Variants in ATG4B observed in about 807,000 individuals in gnomAD.
ATG4B encodes cysteine protease ATG4B.
A neutral mutation model predicts 56.6 loss-of-function variants in ATG4B; 29 were observed. The ratio of observed to expected loss-of-function variants is 0.51; its 90% CI spans 0.38 to 0.70. ATG4B has a LOEUF of 0.70. Ranked by LOEUF, ATG4B falls within the 30% of genes least tolerant of loss-of-function variation. The pLI, the probability that ATG4B is intolerant of heterozygous loss-of-function variation, is 0.00. For synonymous variants in ATG4B, 224 were observed against 206.1 expected, an observed-to-expected ratio of 1.09 and a Z score of -0.74; for missense variants, 461 against 515.5, an observed-to-expected ratio of 0.89 and a Z score of 1.02.
chr2:241,655,703 G>A (rs576750207), intron 6 of ATG4B, among the ~76,000 whole-genome samples: 6 of 152,240 alleles, frequency 3.9e-5, no homozygotes, highest in South Asian at 2.1e-4. Flanking sequence ...GCTGCCCTCC[G>A]CGGGCCTTGC....
chr2:241,662,880 A>AGC (rs2068632605), intron 7 of ATG4B, among the ~76,000 whole-genome samples: 1 of 151,596 alleles, frequency 6.6e-6, no homozygotes, highest in African/African-American at 2.4e-5. Context: ...CTATAATCCC[A>AGC]ACTTCAAAAT....
intron 1 of ATG4B, 45 bp from the exon 2 acceptor site, chr2:241,650,965 T>G: frequency 2.2e-5 from 34 of 1,511,744 alleles, no homozygotes; most frequent in Non-Finnish European, 2.7e-5. Flanking sequence ...TACTAGTTTA[T>G]GAAATTATAA....
At chr2:241,654,502 C>G (rs1457375940) in intron 4 of ATG4B, 44 bp from the exon 5 acceptor site, 2 of 1,353,980 alleles carry the variant, frequency 1.5e-6, no homozygotes, top group Non-Finnish European at 2.0e-6. Context: ...AAACTTGTTT[C>G]TCATATTTAT....
At chr2:241,665,996 C>T (rs899404564) in intron 7 of ATG4B, among the ~76,000 whole-genome samples, 5 of 152,194 alleles carry the variant, frequency 3.3e-5, no homozygotes, top group African/African-American at 1.2e-4. Flanking sequence ...TGTCTTTTGC[C>T]GTGTTCTGGC....
intron 12 of ATG4B, chr2:241,671,651 G>A: frequency 6.9e-7 from 1 of 1,445,232 alleles, no homozygotes; most frequent in Non-Finnish European, 9.2e-7. Context: ...CTGTGGAGCT[G>A]GGCGTGCTAC....
chr2:241,668,518 C>T lies in ATG4B; in HGVS notation c.812-22C>T, dbSNP rs2068851017. On this transcript the variant is annotated intron_variant, in intron 9 of 12. Transcript: ENST00000404914. This position sits in a 1 kb window ranked among gnomAD's most constrained non-coding sequence, Gnocchi z 4.2. The stretch of plus-strand genomic sequence containing the variant: ...CTCTGCCGGCTCGGCCACCCACCTG[C>T]CCACCTGCCTCATCCTCCCAGGTGA... 1.9e-6 allele frequency: 3 copies of T among 1,603,136 alleles called. No homozygotes were observed. The highest frequency in any genetic ancestry group is 1.7e-5 in the Admixed American group (1 of 59,364).
chr2:241,661,351 A>AGTGTG (rs1164465535), intron 7 of ATG4B, among the ~76,000 whole-genome samples: 33 of 152,102 alleles, frequency 2.2e-4, no homozygotes, highest in Admixed American at 2.1e-3. Context: ...TGGGTTCCTG[A>AGTGTG]GTGTGGCGTG....
intron 7 of ATG4B, among the ~76,000 whole-genome samples, chr2:241,664,312 T>C (rs1328000301): frequency 6.6e-6 from 1 of 152,072 alleles, no homozygotes; most frequent in African/African-American, 2.4e-5. Context: ...GCAGATTGCT[T>C]GAGTCCAGGA....
intron 1 of ATG4B, among the ~76,000 whole-genome samples, chr2:241,649,080 C>T (rs1490521619): frequency 6.6e-6 from 1 of 152,210 alleles, no homozygotes; most frequent in East Asian, 1.9e-4. Flanking sequence ...AGGGAACATT[C>T]ACACTTAGAA....
intron 4 of ATG4B, 101 bp downstream of exon 4, chr2:241,653,711 G>GT (rs1304926479): frequency 2.4e-5 from 24 of 1,009,084 alleles, no homozygotes; most frequent in Non-Finnish European, 3.5e-5. Context: ...AGGTAAAACA[G>GT]TAAGTAGAAC....
intron 7 of ATG4B, 123 bp from the exon 8 acceptor site, chr2:241,666,522 T>TA (rs2068778885): frequency 9.7e-7 from 1 of 1,029,228 alleles, no homozygotes; most frequent in South Asian, 1.5e-5. Flanking sequence ...AGTTTGAATT[T>TA]CACTGTAAGC....
At chr2:241,653,186 G>A (rs999301447) in intron 3 of ATG4B, 1 of 672,690 alleles carries the variant, frequency 1.5e-6, no homozygotes, top group South Asian at 1.5e-5. Context: ...ATTGGAAAAT[G>A]CGTTGTTTTG....
At chr2:241,646,985 T>G (rs1443050516) in intron 1 of ATG4B, among the ~76,000 whole-genome samples, 1 of 152,060 alleles carries the variant, frequency 6.6e-6, no homozygotes, top group East Asian at 1.9e-4. Flanking sequence ...GATTTCACCA[T>G]GTTGACCAGG....
At chr2:241,646,471 A>G (rs2068063092) in intron 1 of ATG4B, among the ~76,000 whole-genome samples, 3 of 152,238 alleles carry the variant, frequency 2.0e-5, no homozygotes, top group South Asian at 2.1e-4. Context: ...ATGGTCTCCA[A>G]ACTACCATGG....
chr2:241,642,871 C>CT (rs1321613822), intron 1 of ATG4B, among the ~76,000 whole-genome samples: 15,880 of 98,168 alleles, frequency 0.16, 4,373 homozygotes, highest in East Asian at 0.31. Flanking sequence ...ACCTCTCCGT[C>CT]CTTTTTTTTT....
At chr2:241,658,135 C>T (rs1373812630) in intron 6 of ATG4B, among the ~76,000 whole-genome samples, 5 of 152,230 alleles carry the variant, frequency 3.3e-5, no homozygotes, top group African/African-American at 9.6e-5. Context: ...GTTTGCCCTC[C>T]GCCAGGTCAG....
chr2:241,664,556 C>G (rs964113302), intron 7 of ATG4B, among the ~76,000 whole-genome samples: 1 of 152,000 alleles, frequency 6.6e-6, no homozygotes, highest in African/African-American at 2.4e-5. Context: ...AACAGAAACC[C>G]AAACAACTCC....
chr2:241,658,101 G>C (rs1486955981), intron 6 of ATG4B, among the ~76,000 whole-genome samples: 1 of 152,212 alleles, frequency 6.6e-6, no homozygotes, highest in Non-Finnish European at 1.5e-5. Context: ...GTTGACCACC[G>C]GCCCACGTGG....
chr2:241,659,531 G>A (rs1314769734), intron 7 of ATG4B: 4 of 371,312 alleles, frequency 1.1e-5, no homozygotes, highest in African/African-American at 2.1e-5. Context: ...CTTGATGTGC[G>A]ACAGAGAGAT....
Sources: gnomAD v4.1 joint callset for allele counts (sites outside exome capture counted in the v4.1 genomes callset) on GRCh38, gnomAD v4.1.1 for gene constraint, Gnocchi (gnomAD v3.1) non-coding constraint, MANE v1.5 for transcripts, NCBI Gene and HGNC (gene_info 2026-07-23, HGNC 2026-07-21) for gene names.